Variants in PTPRG observed in about 807,000 individuals in gnomAD.
The protein encoded by PTPRG is receptor-type tyrosine-protein phosphatase gamma.
In PTPRG, 102 loss-of-function variants were observed where a neutral mutation model predicts 165.3. The ratio of observed to expected loss-of-function variants is 0.62; its 90% CI spans 0.53 to 0.73. The LOEUF (loss-of-function observed/expected upper bound fraction) is 0.73. Ranked by LOEUF, PTPRG falls within the 30% of genes least tolerant of loss-of-function variation. PTPRG has a pLI of 0.00. For synonymous variants in PTPRG, 675 were observed against 669.5 expected (o/e 1.01, Z -0.13); for missense variants, 1,866 against 1,861.4 (o/e 1.00, Z -0.05).
chr3:61,644,726 A>G (rs959115452), intron 1 of PTPRG, among the ~76,000 whole-genome samples: 2 of 152,250 alleles, frequency 1.3e-5, no homozygotes, highest in African/African-American at 4.8e-5. Flanking sequence ...TAAGATTTAT[A>G]GAATCCTGTT....
At chr3:61,810,105 A>G (rs538143518) in intron 2 of PTPRG, among the ~76,000 whole-genome samples, 1 of 152,324 alleles carries the variant, frequency 6.6e-6, no homozygotes, top group South Asian at 2.1e-4. Flanking sequence ...CCAGGAAGCC[A>G]GTGATACTTG....
In PTPRG at chr3:62,190,219, G is replaced by A. The variant is rs188838825; in HGVS notation, c.1034-1250G>A. On this transcript the variant is annotated intron_variant, in intron 8 of 29. Coordinates refer to ENST00000474889, the MANE Select transcript of PTPRG (RefSeq NM_002841.4). This position sits in a 1 kb window ranked among gnomAD's most constrained non-coding sequence, Gnocchi z 5.2. ...TTTTTGGTTGTCACAAGTTGAGGACGGGGAGCAGAGCTACTGGCATCTAGC... is the reference window on the plus strand; with the variant it reads ...TTTTTGGTTGTCACAAGTTGAGGACAGGGAGCAGAGCTACTGGCATCTAGC... Among the ~76,000 whole-genome samples, 21 of 152,260 alleles carry A rather than the reference G, an allele frequency of 1.4e-4. No individual in the cohort carries two copies. Among genetic ancestry groups the A allele is most frequent in the African/African-American group, 4.3e-4 (18 of 41,556 alleles).
intron 4 of PTPRG, among the ~76,000 whole-genome samples, chr3:62,028,933 G>A (rs1699672501): frequency 6.6e-6 from 1 of 152,052 alleles, no homozygotes. Context: ...GAGTCCTTTG[G>A]CCTAATGCCA....
chr3:62,061,861 G>A (rs1157612182), intron 4 of PTPRG, among the ~76,000 whole-genome samples: 1 of 151,536 alleles, frequency 6.6e-6, no homozygotes, highest in Non-Finnish European at 1.5e-5. Flanking sequence ...AACTCATGAC[G>A]TCGGGTGATC....
At chr3:61,960,149 T>G (rs1016992551) in intron 2 of PTPRG, among the ~76,000 whole-genome samples, 4 of 152,156 alleles carry the variant, frequency 2.6e-5, no homozygotes, top group African/African-American at 7.2e-5. Flanking sequence ...CAAGTTTGTG[T>G]TAGTTTACTT....
At chr3:61,968,669 G>A (rs1023396705) in intron 2 of PTPRG, among the ~76,000 whole-genome samples, 1 of 152,088 alleles carries the variant, frequency 6.6e-6, no homozygotes, top group Admixed American at 6.6e-5. Context: ...TAAAATTAAG[G>A]TGCTACCATT....
chr3:62,252,596 T>G lies in PTPRG; in HGVS notation c.2468-2528T>G, dbSNP rs1402206232. Among the ~76,000 whole-genome samples the G allele has an allele frequency of 6.6e-6, 1 of 152,190 alleles. No homozygotes were observed. The highest frequency in any genetic ancestry group is 2.4e-5 in the African/African-American group (1 of 41,458). ...ACACAGGGCCTTTCCAGATAAAAATTGAGCTGATTAGGCCTCTGATGCTGT... is the reference window on the plus strand; with the variant it reads ...ACACAGGGCCTTTCCAGATAAAAATGGAGCTGATTAGGCCTCTGATGCTGT... On this transcript the variant is annotated intron_variant, in intron 15 of 29. Transcript: ENST00000474889. This position sits in a 1 kb window ranked among gnomAD's most constrained non-coding sequence, Gnocchi z 4.6.
At chr3:61,694,025 A>AG (rs1453401813) in intron 1 of PTPRG, among the ~76,000 whole-genome samples, 47 of 145,974 alleles carry the variant, frequency 3.2e-4, no homozygotes, top group Non-Finnish European at 4.8e-4. Flanking sequence ...AAAAAAAAAA[A>AG]AGAGAGAGAG....
intron 1 of PTPRG, among the ~76,000 whole-genome samples, chr3:61,689,156 A>G (rs1559558219): frequency 6.6e-6 from 1 of 152,244 alleles, no homozygotes; most frequent in Non-Finnish European, 1.5e-5. Context: ...TAAGAAAAAC[A>G]TATTGCAATT....
intron 4 of PTPRG, among the ~76,000 whole-genome samples, chr3:62,072,613 G>A (rs565995824): frequency 7.8e-5 from 11 of 141,428 alleles, no homozygotes; most frequent in Non-Finnish European, 1.4e-4. Context: ...ATATATATGT[G>A]TATGTGTGTG....
At chr3:62,038,639 T>C (rs1700026612) in intron 4 of PTPRG, among the ~76,000 whole-genome samples, 2 of 152,160 alleles carry the variant, frequency 1.3e-5, no homozygotes, top group African/African-American at 4.8e-5. Context: ...GAAGTAATCT[T>C]CCTGACTTGG....
In PTPRG at chr3:61,623,949, T is replaced by G. The variant is rs184314478; in HGVS notation, c.85+61577T>G. Among the ~76,000 whole-genome samples the G allele has an allele frequency of 9.3e-4, 142 of 152,346 alleles. 1 individual carries two copies. The highest frequency in any genetic ancestry group is 1.6e-3 in the Non-Finnish European group (106 of 68,026). On this transcript the variant is annotated intron_variant, in intron 1 of 29. Coordinates refer to ENST00000474889, the MANE Select transcript of PTPRG (RefSeq NM_002841.4). The stretch of plus-strand genomic sequence containing the variant: ...GTGTTTATTCGGAAATGCTGTTGTT[T>G]GAAGGCATATCCAAAGTTCTGTTAG...
chr3:62,142,419 C>T (rs142794435), intron 6 of PTPRG, among the ~76,000 whole-genome samples: 1 of 152,036 alleles, frequency 6.6e-6, no homozygotes, highest in Non-Finnish European at 1.5e-5. Flanking sequence ...TGGTCACACA[C>T]CCACACACCA....
chr3:61,742,492 A>G, intron 1 of PTPRG: 1 of 1,590,864 alleles, frequency 6.3e-7, no homozygotes, highest in Admixed American at 1.7e-5. Context: ...GGTGCTCTCG[A>G]TATATAAGGC....
At chr3:62,106,509 T>C (rs1331934649) in intron 5 of PTPRG, among the ~76,000 whole-genome samples, 1 of 151,240 alleles carries the variant, frequency 6.6e-6, no homozygotes, top group Non-Finnish European at 1.5e-5. Flanking sequence ...AAGGCTTTTT[T>C]TTTTTTTTTT....
At chr3:61,840,668 T>G (rs1232393271) in intron 2 of PTPRG, among the ~76,000 whole-genome samples, 5 of 152,124 alleles carry the variant, frequency 3.3e-5, no homozygotes, top group African/African-American at 1.2e-4. Flanking sequence ...GAATATATTT[T>G]TACCTTTGGA....
rs746398067 is a variant in PTPRG, at chr3:62,271,361, T to C, written c.3010-22T>C. The C allele has an allele frequency of 3.2e-6, 5 of 1,575,110 alleles. No individual in the cohort carries two copies. The highest frequency in any genetic ancestry group is 1.8e-5 in the Admixed American group (1 of 55,074). ...ATGTCCACCCCCCCGCTTAAAGACA[T>C]CTTTTTTCACTTTTCTCACAGGGTC... On this transcript the variant is annotated intron_variant, in intron 20 of 29. Transcript: ENST00000474889. This position sits in a 1 kb window ranked among gnomAD's most constrained non-coding sequence, Gnocchi z 4.1.
intron 2 of PTPRG, among the ~76,000 whole-genome samples, chr3:61,772,939 A>G (rs2034256645): frequency 6.6e-6 from 1 of 152,240 alleles, no homozygotes; most frequent in Non-Finnish European, 1.5e-5. Flanking sequence ...GGGAGAAATG[A>G]GTGGAACTCC....
Position 61,562,219 on chromosome 3 carries a change from C to A in PTPRG, c.-69C>A. ...AGCGCCCCGGCTTAGCGGAGGCTCG[C>A]ACGGAGGCAAGAACTTATTCAACAA... On this transcript the variant is annotated 5_prime_UTR_variant, in exon 1 of 30. Coordinates refer to ENST00000474889, the MANE Select transcript of PTPRG (RefSeq NM_002841.4). The A allele has an allele frequency of 6.9e-7, 1 of 1,446,900 alleles. No individual in the cohort carries two copies. Among genetic ancestry groups the A allele is most frequent in the Non-Finnish European group, 9.7e-7 (1 of 1,029,974 alleles). The allele number at this position is 1,446,900 out of a possible 1,614,324, so 89.6% of individuals were successfully genotyped here. A position where few individuals can be genotyped will look rare whatever the true frequency, so the allele number is the denominator to read the frequency against.
Sources: gnomAD v4.1 joint callset for allele counts (sites outside exome capture counted in the v4.1 genomes callset) on GRCh38, gnomAD v4.1.1 for gene constraint, Gnocchi (gnomAD v3.1) non-coding constraint, MANE v1.5 for transcripts, NCBI Gene and HGNC (gene_info 2026-07-23, HGNC 2026-07-21) for gene names.